Variants in LPCAT3 observed in about 807,000 individuals in gnomAD.
The protein encoded by LPCAT3 is lysophosphatidylcholine acyltransferase 3.
In LPCAT3, 21 loss-of-function variants were observed where a neutral mutation model predicts 63.4. The observed-to-expected ratio is 0.33, with a 90% CI of 0.23 to 0.48. The LOEUF (loss-of-function observed/expected upper bound fraction) is 0.48. LPCAT3 is among the 20% of genes least tolerant of loss of function. The probability of loss-of-function intolerance (pLI) is 0.99; values close to 1 mark genes in which losing one functional copy is unlikely to be tolerated. For missense variants in LPCAT3, 451 were observed against 590.6 expected (o/e 0.76, Z 2.45); for synonymous variants, 242 against 227.5 (o/e 1.06, Z -0.58).
At position 6,995,257 on chromosome 12, in the gene LPCAT3, C is replaced by A. The variant is rs2138347473; in HGVS notation, c.152-11718G>T. Reference sequence around the variant, plus strand: ...TTGGGAGGCCAAGGCAGGCGGATCACCAGGTCAAGAGTTCAAGACCAGCCT... The same window carrying A: ...TTGGGAGGCCAAGGCAGGCGGATCAACAGGTCAAGAGTTCAAGACCAGCCT... On this transcript the variant is annotated intron_variant, in intron 1 of 12. Transcript: ENST00000261407. Among the ~76,000 whole-genome samples the A allele has an allele frequency of 1.3e-5, 2 of 152,118 alleles. 1 individual carries two copies. Among genetic ancestry groups the A allele is most frequent in the South Asian group, 4.2e-4 (2 of 4,818 alleles).
At chr12:6,989,273 A>G (rs1252784318) in intron 1 of LPCAT3, among the ~76,000 whole-genome samples, 1 of 150,596 alleles carries the variant, frequency 6.6e-6, no homozygotes, top group Non-Finnish European at 1.5e-5. Context: ...CTAGAATGGG[A>G]CCTTTATAAT....
At chr12:7,004,000 G>A (rs1240353941) in intron 1 of LPCAT3, among the ~76,000 whole-genome samples, 1 of 152,004 alleles carries the variant, frequency 6.6e-6, no homozygotes, top group African/African-American at 2.4e-5. Context: ...TTCCTGAAGG[G>A]AGGTCATGCC....
chr12:6,979,280 C>T (rs1201630648), intron 7 of LPCAT3, 191 bp downstream of exon 7: 13 of 597,558 alleles, frequency 2.2e-5, no homozygotes, highest in South Asian at 1.2e-4. Context: ...CCTGTGCCCG[C>T]GAAGGTTGTT....
At chr12:7,015,715 G>A (rs1946793257) in intron 1 of LPCAT3, among the ~76,000 whole-genome samples, 1 of 152,178 alleles carries the variant, frequency 6.6e-6, no homozygotes, top group South Asian at 2.1e-4. Context: ...AGGAAGGCAG[G>A]GTGTGGGAAA....
intron 1 of LPCAT3, among the ~76,000 whole-genome samples, chr12:7,000,906 A>G (rs782104811): frequency 4.6e-5 from 7 of 151,802 alleles, no homozygotes; most frequent in Non-Finnish European, 8.8e-5. Context: ...ACGGGGTTTC[A>G]CCGTGTTAGC....
chr12:6,992,146 C>T (rs1463124908), intron 1 of LPCAT3, among the ~76,000 whole-genome samples: 3 of 151,850 alleles, frequency 2.0e-5, no homozygotes, highest in Non-Finnish European at 4.4e-5. Context: ...AGAGTGAAAC[C>T]CCATCTCTAA....
chr12:6,981,724 G>T, intron 4 of LPCAT3, 87 bp downstream of exon 4: 3 of 1,401,716 alleles, frequency 2.1e-6, no homozygotes, highest in Non-Finnish European at 3.0e-6. Flanking sequence ...TGTATGGCGG[G>T]GGGCGGAGGG....
chr12:6,985,991 T>C (rs888397041), intron 1 of LPCAT3, among the ~76,000 whole-genome samples: 1 of 151,962 alleles, frequency 6.6e-6, no homozygotes, highest in African/African-American at 2.4e-5. Flanking sequence ...GCCAGGCTGG[T>C]CTCGAACTCC....
chr12:6,993,414 C>A (rs763486338), intron 1 of LPCAT3, among the ~76,000 whole-genome samples: 130 of 151,432 alleles, frequency 8.6e-4, no homozygotes, highest in Non-Finnish European at 1.1e-3. Context: ...AGCCTGGCAA[C>A]AGAGCGAGAC....
At chr12:6,990,231 G>A (rs782324062) in intron 1 of LPCAT3, among the ~76,000 whole-genome samples, 1 of 150,178 alleles carries the variant, frequency 6.7e-6, no homozygotes, top group African/African-American at 2.4e-5. Flanking sequence ...AAATATAAGC[G>A]GGGCACGGTG....
At chr12:6,980,894 T>A in intron 6 of LPCAT3, 110 bp downstream of exon 6, 1 of 1,113,684 alleles carries the variant, frequency 9.0e-7, no homozygotes, top group Non-Finnish European at 1.3e-6. Context: ...AGGGCCTGCA[T>A]GACTCAGGTC....
At chr12:6,979,270 C>A in intron 7 of LPCAT3, 1 of 592,276 alleles carries the variant, frequency 1.7e-6, no homozygotes, top group Non-Finnish European at 3.0e-6. Context: ...CTGGCACAGC[C>A]CTGTGCCCGC....
chr12:6,998,308 GT>G (rs1555156262), intron 1 of LPCAT3, among the ~76,000 whole-genome samples: 1 of 152,234 alleles, frequency 6.6e-6, no homozygotes, highest in Non-Finnish European at 1.5e-5. Flanking sequence ...GAGCTACTAT[GT>G]TTGGCCGTGT....
At chr12:6,982,624 C>A in intron 3 of LPCAT3, 52 bp downstream of exon 3, 1 of 1,373,956 alleles carries the variant, frequency 7.3e-7, no homozygotes, top group Non-Finnish European at 1.0e-6. Flanking sequence ...CTACCCCTGT[C>A]CCCTGAACCG....
chr12:7,015,808 GAGA>G (rs1555157549), intron 1 of LPCAT3, among the ~76,000 whole-genome samples: 1 of 152,092 alleles, frequency 6.6e-6, no homozygotes, highest in East Asian at 1.9e-4. Context: ...GTGGTAATGA[GAGA>G]AGATGAGAGA....
At position 6,977,367 on chromosome 12, in the gene LPCAT3, C is replaced by T. The variant is rs142552475; in HGVS notation, c.1347G>A (p.Lys449=). The change falls in exon 11 of 13, where the codon AAG becomes AAA. Residue 449 remains lysine (K), a splice_region_variant and synonymous_variant. Coordinates refer to ENST00000261407, the MANE Select transcript of LPCAT3 (RefSeq NM_005768.6). This position sits in a 1 kb window ranked among gnomAD's most constrained non-coding sequence, Gnocchi z 4.5. ...FCLFTWDKWL[K]VYKSIYFLGH... is the part of the protein sequence containing the mutation. ...GTCTCACAAGCAGGCCTTCACTTGC[C>T]TTAAGCCATTTGTCCCACGTGAAGA... The T allele has an allele frequency of 6.2e-7, 1 of 1,614,160 alleles. No individual in the cohort carries two copies. The highest frequency in any genetic ancestry group is 8.5e-7 in the Non-Finnish European group (1 of 1,180,030).
chr12:6,984,786 T>C (rs1946504604), intron 1 of LPCAT3, among the ~76,000 whole-genome samples: 1 of 151,942 alleles, frequency 6.6e-6, no homozygotes, highest in South Asian at 2.1e-4. Context: ...GTTCTCACTA[T>C]GTTGCCCAGG....
intron 1 of LPCAT3, among the ~76,000 whole-genome samples, chr12:6,988,681 T>C (rs1322167093): frequency 2.6e-5 from 4 of 152,162 alleles, no homozygotes; most frequent in Non-Finnish European, 4.4e-5. Flanking sequence ...CTTCCACTTT[T>C]AACAGCATGA....
At position 6,978,377 on chromosome 12, in the gene LPCAT3, G is replaced by A. The variant is rs1555153593; in HGVS notation, c.1004C>T (p.Ala335Val). ...ETNPRFTGTI[A>V]SFNINTNAWV... is the part of the protein sequence containing the mutation. ...GGCGTTGGTGTTGATGTTGAATGAG[G>A]CAATGGTGCCAGTGAAGCGGGGGTT... The change falls in exon 9 of 13, where the codon GCC (alanine) becomes GTC (valine). Residue 335 changes from alanine to valine, a missense_variant. Around this residue, in one of 3 missense-constraint regions of LPCAT3, gnomAD observed 304 missense variants for 390.8 expected, o/e 0.78. Coordinates refer to ENST00000261407, the MANE Select transcript of LPCAT3 (RefSeq NM_005768.6). The A allele has an allele frequency of 6.2e-7, 1 of 1,613,496 alleles. No individual in the cohort carries two copies. The highest frequency in any genetic ancestry group is 8.5e-7 in the Non-Finnish European group (1 of 1,179,802).
Sources: allele counts gnomAD v4.1 joint callset (sites outside exome capture counted in the v4.1 genomes callset), GRCh38; gene constraint gnomAD v4.1.1; regional missense constraint gnomAD v4.1.1; non-coding constraint Gnocchi (gnomAD v3.1); transcripts MANE v1.5; gene names NCBI Gene and HGNC (gene_info 2026-07-23, HGNC 2026-07-21).